ZNF155: variants seen among roughly 807,000 people sequenced by gnomAD.
The protein encoded by ZNF155 is KRAB A domain.
A neutral mutation model predicts 11.9 loss-of-function variants in ZNF155; 15 were observed. That is an observed-to-expected ratio of 1.26 (90% confidence interval 0.84 to 1.94). ZNF155 has a LOEUF of 1.94. ZNF155 is among the 30% of genes most tolerant of loss of function. The pLI, the probability that ZNF155 is intolerant of heterozygous loss-of-function variation, is 0.00. For missense variants in ZNF155, 602 were observed against 639.1 expected (o/e 0.94, Z 0.63); for synonymous variants, 212 against 219.9 (o/e 0.96, Z 0.32).
At chr19:43,991,979 C>G in intron 4 of ZNF155, 45 bp downstream of exon 4, 2 of 1,559,702 alleles carry the variant, frequency 1.3e-6, no homozygotes, top group African/African-American at 2.7e-5. Context: ...ACTCTCCCAC[C>G]TGTTGTGCTT....
chr19:43,990,374 A>T (rs1356813645), intron 2 of ZNF155, among the ~76,000 whole-genome samples: 1 of 152,224 alleles, frequency 6.6e-6, no homozygotes, highest in African/African-American at 2.4e-5. Context: ...GAAATAGATA[A>T]TGCTAGTAAC....
chr19:43,990,021 C>G (rs1350184163), intron 2 of ZNF155: 2 of 1,468,282 alleles, frequency 1.4e-6, no homozygotes, highest in Non-Finnish European at 1.8e-6. Flanking sequence ...TTCCCCAAAT[C>G]AGATTACCAA....
At chr19:43,994,954 C>T (rs1009002980) in intron 4 of ZNF155, among the ~76,000 whole-genome samples, 7 of 152,178 alleles carry the variant, frequency 4.6e-5, no homozygotes, top group Non-Finnish European at 8.8e-5. Context: ...TTGCCAGTTG[C>T]AACCATAAAT....
At chr19:43,994,700 C>T (rs918149627) in intron 4 of ZNF155, among the ~76,000 whole-genome samples, 2 of 152,204 alleles carry the variant, frequency 1.3e-5, no homozygotes, top group African/African-American at 4.8e-5. Context: ...GGATGTGTTA[C>T]ATTCCCAGGA....
chr19:43,992,057 C>A, intron 4 of ZNF155, 123 bp downstream of exon 4: 1 of 907,514 alleles, frequency 1.1e-6, no homozygotes, highest in Non-Finnish European at 1.6e-6. Flanking sequence ...ATTACAACTG[C>A]CTTCCAGTTG....
intron 1 of ZNF155, among the ~76,000 whole-genome samples, chr19:43,987,128 T>C (rs992948777): frequency 1.3e-5 from 2 of 152,228 alleles, no homozygotes; most frequent in South Asian, 4.1e-4. Flanking sequence ...TTTAAAAAAC[T>C]ACTAATTGTG....
At position 43,998,213 on chromosome 19, in the gene ZNF155, C is replaced by G. The variant is rs1975981449; in HGVS notation, c.*739C>G. 1 of 152,202 alleles carries G rather than the reference C, an allele frequency of 6.6e-6. No individual in the cohort carries two copies. The highest frequency in any genetic ancestry group is 2.1e-4 in the South Asian group (1 of 4,830). The allele number at this position is 152,202 out of a possible 1,614,324, so 9.4% of individuals were successfully genotyped here. On this transcript the variant is annotated 3_prime_UTR_variant, in exon 5 of 5. Coordinates refer to ENST00000270014, the MANE Select transcript of ZNF155 (RefSeq NM_198089.3). Reference sequence around the variant, plus strand: ...CAGGCTAAGTGCATTCCTTCCCCTTCCCAGTCCATAAAAACCCCGGACCCC... The same window carrying G: ...CAGGCTAAGTGCATTCCTTCCCCTTGCCAGTCCATAAAAACCCCGGACCCC...
At position 43,985,617 on chromosome 19, in the gene ZNF155, T is replaced by C. The variant is rs1568486116; in HGVS notation, c.-86+1372T>C. Reference sequence around the variant, plus strand: ...GTGCAGTGGCGCGATCTGGGCTCAGTGCAATAGGCCGCCTCCCAGGTTCAG... The same window carrying C: ...GTGCAGTGGCGCGATCTGGGCTCAGCGCAATAGGCCGCCTCCCAGGTTCAG... On this transcript the variant is annotated intron_variant, in intron 1 of 4. Coordinates refer to ENST00000270014, the MANE Select transcript of ZNF155 (RefSeq NM_198089.3). Among the ~76,000 whole-genome samples, 3 of 148,526 alleles carry C rather than the reference T, an allele frequency of 2.0e-5. No individual in the cohort carries two copies. In the South Asian group the frequency reaches 6.4e-4, roughly 32 times the overall value.
At chr19:43,985,032 A>G (rs1374282061) in intron 1 of ZNF155, among the ~76,000 whole-genome samples, 2 of 152,150 alleles carry the variant, frequency 1.3e-5, no homozygotes, top group Admixed American at 1.3e-4. Context: ...TTTTTAAAAA[A>G]AAGTTATTTA....
rs774096344 is a variant in ZNF155, at chr19:43,996,894, G to GT, written c.1038dup (p.Glu347Ter). 6 of 1,614,158 alleles carry GT rather than the reference G, an allele frequency of 3.7e-6. No individual in the cohort carries two copies. The South Asian group carries it at 5.5e-5, about 15-fold the overall frequency. On this transcript the variant is annotated frameshift_variant, in exon 5 of 5. Coordinates refer to ENST00000270014, the MANE Select transcript of ZNF155 (RefSeq NM_198089.3). LOFTEE classifies it low-confidence loss of function (END_TRUNC). ...CACACAGGAGAGAAACCGTACAGATGTGAGCAGTGTGGAAAAGGCTTTATT... is the reference window on the plus strand; with the variant it reads ...CACACAGGAGAGAAACCGTACAGATGTTGAGCAGTGTGGAAAAGGCTTTATT...
Position 43,996,297 on chromosome 19 carries a change from C to T in ZNF155, c.440C>T (p.Pro147Leu). 6.2e-7 allele frequency: 1 copy of T among 1,614,166 alleles called. No individual in the cohort carries two copies. Among genetic ancestry groups the T allele is most frequent in the Non-Finnish European group, 8.5e-7 (1 of 1,179,998 alleles). The change falls in exon 5 of 5, where the codon CCT (proline) becomes CTT (leucine). Residue 147 changes from proline to leucine, a missense_variant. Physicochemically the swap from Pro to Leu is moderately conservative, Grantham distance 98 (BLOSUM62 -3). Transcript: ENST00000270014. ...CCCACAATTCATACAGGACAGAAAC[C>T]TTCCCAGGGTGGGAAGTGTAAACAG... ...GLPTIHTGQK[P>L]SQGGKCKQSI...
chr19:43,986,836 A>C (rs915528784), intron 1 of ZNF155, among the ~76,000 whole-genome samples: 3 of 152,160 alleles, frequency 2.0e-5, no homozygotes, highest in Non-Finnish European at 4.4e-5. Flanking sequence ...GAGTTGCAAA[A>C]ATAGTATAAG....
rs760102649 is a variant in ZNF155, at chr19:43,996,119, T to A, written c.262T>A (p.Ser88Thr). The A allele has an allele frequency of 1.2e-4, 196 of 1,609,808 alleles. No homozygotes were observed. In the Admixed American group the frequency reaches 3.2e-3, roughly 27 times the overall value. ...AGGCAAGATCCAAACTGAGTTGGAG[T>A]CTGTTCCAGAAGCAGGAGCACATGA... The part of the protein sequence containing the change: ...SGGKIQTELE[S>T]VPEAGAHEEW... Residue 88 changes from serine to threonine, a missense_variant, in exon 5 of 5, where the codon TCT becomes ACT. Coordinates refer to ENST00000270014, the MANE Select transcript of ZNF155 (RefSeq NM_198089.3).
chr19:43,994,621 C>A (rs1382270579), intron 4 of ZNF155, among the ~76,000 whole-genome samples: 1 of 152,310 alleles, frequency 6.6e-6, no homozygotes, highest in Non-Finnish European at 1.5e-5. Context: ...TAGAGAAAAA[C>A]CAAATAAAAC....
chr19:43,985,227 ATT>A (rs1975395077), intron 1 of ZNF155, among the ~76,000 whole-genome samples: 1 of 151,622 alleles, frequency 6.6e-6, no homozygotes, highest in Non-Finnish European at 1.5e-5. Context: ...TGCCCGGCTA[ATT>A]TTTGTATTTT....
In ZNF155 at chr19:43,988,477, C is replaced by G; in HGVS notation, c.-67C>G. 1.3e-6 allele frequency: 2 copies of G among 1,535,240 alleles called. No individual in the cohort carries two copies. The highest frequency in any genetic ancestry group is 8.9e-7 in the Non-Finnish European group (1 of 1,129,450). ...TCTGCAGACTGTGGCACGTTTCAGG[C>G]AGGATTCCTCCTTCATTCAAACTGC... On this transcript the variant is annotated 5_prime_UTR_variant, in exon 2 of 5. Coordinates refer to ENST00000270014, the MANE Select transcript of ZNF155 (RefSeq NM_198089.3).
At chr19:43,995,942 C>T in intron 4 of ZNF155, 151 bp from the exon 5 acceptor site, 1 of 974,560 alleles carries the variant, frequency 1.0e-6, no homozygotes, top group Non-Finnish European at 1.5e-6. Flanking sequence ...GAATTGGCCT[C>T]ATGCAAACCA....
chr19:43,997,230 G>GT lies in ZNF155; in HGVS notation c.1374dup (p.Lys459Ter), dbSNP rs1347986271. 3.7e-6 allele frequency: 6 copies of GT among 1,614,024 alleles called. No homozygotes were observed. The African/African-American group carries it at 5.3e-5, about 14-fold the overall frequency. ...CACACGGGAGAGAGACCTTATAATTGTAAGGAATGTGGGAAGAACTTTAGC... is the reference window on the plus strand; with the variant it reads ...CACACGGGAGAGAGACCTTATAATTGTTAAGGAATGTGGGAAGAACTTTAGC... On this transcript the variant is annotated frameshift_variant, in exon 5 of 5. Transcript: ENST00000270014. LOFTEE classifies it low-confidence loss of function (END_TRUNC).
chr19:43,985,572 G>T (rs1443018857), intron 1 of ZNF155, among the ~76,000 whole-genome samples: 1 of 131,514 alleles, frequency 7.6e-6, no homozygotes, highest in African/African-American at 3.0e-5. Context: ...ACGGAGTCTC[G>T]CTCTGTCGCC....
Sources: allele counts gnomAD v4.1 joint callset (sites outside exome capture counted in the v4.1 genomes callset), GRCh38; gene constraint gnomAD v4.1.1; transcripts MANE v1.5; gene names NCBI Gene and HGNC (gene_info 2026-07-23, HGNC 2026-07-21).